NCOA3: variants seen among roughly 807,000 people sequenced by gnomAD.
The protein encoded by NCOA3 is nuclear receptor coactivator 3, also known as CBP-interacting protein.
NCOA3 carries 51 observed loss-of-function variants against 158.8 expected under a neutral mutation model. That is an observed-to-expected ratio of 0.32 (90% CI 0.26 to 0.41). The LOEUF (loss-of-function observed/expected upper bound fraction) is 0.41, where lower values mean the gene tolerates loss of function less well. Among genes scored for constraint, NCOA3 ranks in the 10% least tolerant of loss-of-function variants. The pLI is 1.00. For missense variants in NCOA3, 1,510 were observed against 1,746.6 expected (o/e 0.86, Z 2.41); for synonymous variants, 537 against 592.4 (o/e 0.91, Z 1.36).
chr20:47,517,456 T>C (rs1179856900), intron 1 of NCOA3, among the ~76,000 whole-genome samples: 1 of 143,928 alleles, frequency 6.9e-6, no homozygotes, highest in East Asian at 1.9e-4. Flanking sequence ...TTTTTCTTTT[T>C]TTTTTTTTTT....
chr20:47,576,952 G>T (rs1270015627), intron 1 of NCOA3, among the ~76,000 whole-genome samples: 2 of 152,172 alleles, frequency 1.3e-5, no homozygotes, highest in African/African-American at 4.8e-5. Flanking sequence ...CAAGCAAGCG[G>T]CTTGCTTGAA....
In NCOA3 at chr20:47,621,654, A is replaced by ATTTTTTTTTTTTTTT. The variant is rs749582388; in HGVS notation, c.-19-572_-19-558dup. 6.8e-3 allele frequency among the ~76,000 whole-genome samples: 813 copies of ATTTTTTTTTTTTTTT among 119,656 alleles called. 81 individuals are homozygous for ATTTTTTTTTTTTTTT. Among genetic ancestry groups the ATTTTTTTTTTTTTTT allele is most frequent in the African/African-American group, 0.025 (721 of 29,336 alleles). The allele number at this position is 119,656 out of a possible 152,430, so 78.5% of individuals were successfully genotyped here. On this transcript the variant is annotated intron_variant, in intron 2 of 22. Coordinates refer to ENST00000371998, the MANE Select transcript of NCOA3 (RefSeq NM_181659.3). ...AGCATACTATTTTTCCATCAGTCAA[A>ATTTTTTTTTTTTTTT]TTTTTTTTTTTTTTTTTGAGACGGA...
chr20:47,528,208 T>G (rs2084488530), intron 1 of NCOA3, among the ~76,000 whole-genome samples: 1 of 152,192 alleles, frequency 6.6e-6, no homozygotes, highest in Non-Finnish European at 1.5e-5. Context: ...ATAAGCTGCA[T>G]TCTTTAATCC....
intron 1 of NCOA3, among the ~76,000 whole-genome samples, chr20:47,570,968 A>ACT (rs1428923443): frequency 7.6e-6 from 1 of 131,876 alleles, no homozygotes; most frequent in African/African-American, 3.1e-5. Flanking sequence ...ACACACACAC[A>ACT]CAAGTATATA....
At chr20:47,616,215 C>T (rs1157269218) in intron 2 of NCOA3, among the ~76,000 whole-genome samples, 20 of 136,580 alleles carry the variant, frequency 1.5e-4, no homozygotes, top group East Asian at 6.7e-4. Context: ...TTTTTTTGGA[C>T]GGAGTTTCAT....
At chr20:47,626,976 G>T in intron 5 of NCOA3, 26 bp from the exon 6 acceptor site, 1 of 1,586,688 alleles carries the variant, frequency 6.3e-7, no homozygotes. Flanking sequence ...GTCCATAACA[G>T]CCTGTATTAA....
intron 8 of NCOA3, among the ~76,000 whole-genome samples, chr20:47,629,742 A>G (rs72645255): frequency 4.6e-5 from 7 of 152,268 alleles, no homozygotes; most frequent in Admixed American, 1.3e-4. Context: ...CTTTCTCTGC[A>G]CCTCTTATGA....
At position 47,641,490 on chromosome 20, in the gene NCOA3, C is replaced by CTTTTTTTTTTTTTTT. The variant is rs71183270; in HGVS notation, c.3081-709_3081-695dup. ...GTCAGCCACCACGCCTGGCTCCCTT[C>CTTTTTTTTTTTTTTT]TTTTTTTTTTTTTTTTTTTTTTTTT... On this transcript the variant is annotated intron_variant, in intron 16 of 22. Coordinates refer to ENST00000371998, the MANE Select transcript of NCOA3 (RefSeq NM_181659.3). Among the ~76,000 whole-genome samples, 6 of 48,368 alleles carry CTTTTTTTTTTTTTTT rather than the reference C, an allele frequency of 1.2e-4. 1 individual carries two copies. The highest frequency in any genetic ancestry group is 5.9e-4 in the African/African-American group (5 of 8,406). 31.7% of individuals were successfully genotyped at this position (48,368 alleles called of 152,430 possible).
chr20:47,550,074 A>G (rs1049859163), intron 1 of NCOA3, among the ~76,000 whole-genome samples: 5 of 151,420 alleles, frequency 3.3e-5, no homozygotes, highest in African/African-American at 9.7e-5. Context: ...TCTTTTTACA[A>G]TTATTCTTCT....
At chr20:47,513,153 A>C (rs2084174541) in intron 1 of NCOA3, among the ~76,000 whole-genome samples, 1 of 152,168 alleles carries the variant, frequency 6.6e-6, no homozygotes, top group Admixed American at 6.6e-5. Context: ...GGGGAAACAG[A>C]GCAAGACTCT....
intron 1 of NCOA3, among the ~76,000 whole-genome samples, chr20:47,576,800 C>G (rs1053526137): frequency 3.9e-5 from 6 of 152,176 alleles, no homozygotes; most frequent in African/African-American, 1.4e-4. Flanking sequence ...TCTTGTGGAA[C>G]GCCTTCCACT....
chr20:47,533,770 C>G (rs2084588730), intron 1 of NCOA3, among the ~76,000 whole-genome samples: 1 of 152,086 alleles, frequency 6.6e-6, no homozygotes, highest in South Asian at 2.1e-4. Flanking sequence ...ACAAAAAATG[C>G]AGAAATTAGC....
chr20:47,601,344 G>A (rs1021228508), intron 2 of NCOA3, among the ~76,000 whole-genome samples: 15 of 152,164 alleles, frequency 9.9e-5, no homozygotes, highest in African/African-American at 2.9e-4. Flanking sequence ...ATACCACATC[G>A]CGGACCAAGC....
At chr20:47,539,005 T>C (rs528097517) in intron 1 of NCOA3, among the ~76,000 whole-genome samples, 1 of 152,386 alleles carries the variant, frequency 6.6e-6, no homozygotes, top group Admixed American at 6.5e-5. Context: ...TGAATTGATT[T>C]CAAGACTTCA....
intron 2 of NCOA3, among the ~76,000 whole-genome samples, chr20:47,613,647 T>C (rs946063868): frequency 1.3e-5 from 2 of 152,148 alleles, no homozygotes; most frequent in African/African-American, 4.8e-5. Flanking sequence ...GCGCGGCGGC[T>C]CACGCCTGTA....
At chr20:47,511,522 G>GATATAT (rs1569310799) in intron 1 of NCOA3, among the ~76,000 whole-genome samples, 1 of 7,098 alleles carries the variant, frequency 1.4e-4, no homozygotes, top group African/African-American at 2.2e-4. Context: ...TATCTCTCTC[G>GATATAT]AGATATATAT....
intron 1 of NCOA3, among the ~76,000 whole-genome samples, chr20:47,546,950 A>T (rs1385121855): frequency 1.3e-5 from 2 of 151,956 alleles, no homozygotes; most frequent in Admixed American, 6.6e-5. Flanking sequence ...CCTTTCTTGG[A>T]ATGTTTCTGT....
rs773683800 is a variant in NCOA3, at chr20:47,639,766, A to T, written c.2897A>T (p.Asn966Ile). 3 of 1,614,248 alleles carry T rather than the reference A, an allele frequency of 1.9e-6. No homozygotes were observed. Among genetic ancestry groups the T allele is most frequent in the Non-Finnish European group, 1.7e-6 (2 of 1,180,040 alleles). Reference sequence around the variant, plus strand: ...ATTCCCACATTGCCTCTTCGGTCTAATAGCATACCAGGTGCGAGACCAGTA... The same window carrying T: ...ATTCCCACATTGCCTCTTCGGTCTATTAGCATACCAGGTGCGAGACCAGTA... Reference protein sequence around the residue: ...GSIPTLPLRSNSIPGARPVLQ... With the variant: ...GSIPTLPLRSISIPGARPVLQ... Residue 966 changes from asparagine (N) to isoleucine (I), a missense_variant, in exon 15 of 23, where the codon AAT becomes ATT. Around this residue, in one of 4 missense-constraint regions of NCOA3, gnomAD observed 1,017 missense variants for 1,098.3 expected, o/e 0.93. Transcript: ENST00000371998.
intron 2 of NCOA3, among the ~76,000 whole-genome samples, chr20:47,611,643 TG>T (rs972044751): frequency 6.6e-6 from 1 of 151,838 alleles, no homozygotes; most frequent in African/African-American, 2.4e-5. Flanking sequence ...AATACAGAAA[TG>T]AGGTGGGTAT....
Sources: allele counts gnomAD v4.1 joint callset (sites outside exome capture counted in the v4.1 genomes callset), GRCh38; gene constraint gnomAD v4.1.1; regional missense constraint gnomAD v4.1.1; transcripts MANE v1.5; gene names NCBI Gene and HGNC (gene_info 2026-07-23, HGNC 2026-07-21).